Variants in COL11A1 observed in about 807,000 individuals in gnomAD.
COL11A1 encodes collagen alpha-1(XI) chain.
COL11A1 carries 74 observed loss-of-function variants against 265.2 expected under a neutral mutation model. The ratio of observed to expected loss-of-function variants is 0.28; its 90% CI spans 0.23 to 0.34. The LOEUF (loss-of-function observed/expected upper bound fraction) is 0.34, where lower values mean the gene tolerates loss of function less well. COL11A1 is among the 10% of genes least tolerant of loss of function. The probability of loss-of-function intolerance (pLI) is 1.00; values close to 1 mark genes in which losing one functional copy is unlikely to be tolerated. For missense variants in COL11A1, 2,165 were observed against 2,263.6 expected (o/e 0.96, Z 0.88); for synonymous variants, 816 against 727.6 (o/e 1.12, Z -1.96).
intron 1 of COL11A1, among the ~76,000 whole-genome samples, chr1:103,093,659 C>A (rs144213406): frequency 5.5e-4 from 83 of 152,196 alleles, no homozygotes; most frequent in African/African-American, 1.9e-3. Flanking sequence ...GGACAAGAAC[C>A]CTTTTTCTGG....
chr1:102,906,393 G>T (rs1187517561), intron 54 of COL11A1, among the ~76,000 whole-genome samples: 1 of 152,044 alleles, frequency 6.6e-6, no homozygotes, highest in Non-Finnish European at 1.5e-5. Flanking sequence ...AGTAATTTGG[G>T]CTTCAATTTT....
chr1:103,021,948 G>T (rs375567806), intron 8 of COL11A1, among the ~76,000 whole-genome samples, 179 bp from the exon 9 acceptor site: 7 of 150,230 alleles, frequency 4.7e-5, no homozygotes, highest in Non-Finnish European at 8.9e-5. Context: ...CCGGGTTCAC[G>T]CCATTCTCCT....
intron 9 of COL11A1, 67 bp downstream of exon 9, chr1:103,021,640 A>C: frequency 1.0e-6 from 1 of 1,003,306 alleles, no homozygotes; most frequent in African/African-American, 1.6e-5. Flanking sequence ...ATACATAATA[A>C]TTTAACATAA....
chr1:103,034,886 G>T (rs1668244553), intron 4 of COL11A1, among the ~76,000 whole-genome samples: 1 of 152,010 alleles, frequency 6.6e-6, no homozygotes, highest in Non-Finnish European at 1.5e-5. Context: ...GTAGTTGTTG[G>T]TGCTTGTTCA....
chr1:103,072,636 G>T lies in COL11A1; in HGVS notation c.651+1982C>A, dbSNP rs1172776367. Among the ~76,000 whole-genome samples the T allele has an allele frequency of 2.0e-5, 3 of 151,662 alleles. No individual in the cohort carries two copies. In the East Asian group the frequency reaches 5.8e-4, roughly 29 times the overall value. On this transcript the variant is annotated intron_variant, in intron 4 of 66. Coordinates refer to ENST00000370096, the MANE Select transcript of COL11A1 (RefSeq NM_001854.4). ...AAGAGATATTAACATCAGGTAGAAT[G>T]AACTAATTTTACAAAATGGTGGAAA...
chr1:103,045,524 A>G (rs970097310), intron 4 of COL11A1, among the ~76,000 whole-genome samples: 1 of 152,168 alleles, frequency 6.6e-6, no homozygotes, highest in East Asian at 1.9e-4. Flanking sequence ...GTCAAATCAT[A>G]AACAGAAATA....
At chr1:103,021,870 C>T (rs1405790511) in intron 8 of COL11A1, 101 bp from the exon 9 acceptor site, 32 of 908,198 alleles carry the variant, frequency 3.5e-5, no homozygotes, top group Middle Eastern at 2.3e-4. Context: ...TTTTTGAAGA[C>T]GGAGTCTCCC....
chr1:102,959,450 G>A (rs563876851), intron 41 of COL11A1, among the ~76,000 whole-genome samples: 88 of 152,128 alleles, frequency 5.8e-4, no homozygotes, highest in African/African-American at 1.9e-3. Context: ...AGCCAAGTTC[G>A]AGGGTCACCT....
At chr1:103,036,983 G>C (rs564197476) in intron 4 of COL11A1, among the ~76,000 whole-genome samples, 2 of 152,042 alleles carry the variant, frequency 1.3e-5, no homozygotes, top group South Asian at 2.1e-4. Flanking sequence ...CACAGATGAT[G>C]TTCTTGTGAA....
intron 37 of COL11A1, among the ~76,000 whole-genome samples, chr1:102,965,873 T>G (rs1288949277): frequency 3.3e-5 from 5 of 152,172 alleles, no homozygotes; most frequent in Admixed American, 3.3e-4. Flanking sequence ...TAAATGATGA[T>G]TTAGACATTC....
intron 46 of COL11A1, among the ~76,000 whole-genome samples, chr1:102,932,451 C>G (rs547307648): frequency 6.6e-6 from 1 of 152,196 alleles, no homozygotes; most frequent in African/African-American, 2.4e-5. Flanking sequence ...GGGCTTCTGC[C>G]GAGAGATCCG....
intron 14 of COL11A1, among the ~76,000 whole-genome samples, chr1:103,009,343 G>A (rs1665914771): frequency 6.6e-6 from 1 of 152,148 alleles, no homozygotes; most frequent in African/African-American, 2.4e-5. Context: ...GAAACGGACA[G>A]GCAGAGCTTG....
At chr1:103,042,318 A>G (rs903908694) in intron 4 of COL11A1, among the ~76,000 whole-genome samples, 1 of 152,162 alleles carries the variant, frequency 6.6e-6, no homozygotes, top group Non-Finnish European at 1.5e-5. Context: ...AATTATGAAG[A>G]TATAAGAAAT....
chr1:102,898,222 ATAC>A, intron 56 of COL11A1, 44 bp from the exon 57 acceptor site: 1 of 896,278 alleles, frequency 1.1e-6, no homozygotes, highest in Non-Finnish European at 1.5e-6. Context: ...TAATAAAATA[ATAC>A]ATATTTATTT....
chr1:103,033,612 GT>G (rs1330413310), intron 4 of COL11A1, among the ~76,000 whole-genome samples: 1 of 151,888 alleles, frequency 6.6e-6, no homozygotes, highest in Non-Finnish European at 1.5e-5. Context: ...ATGCAATTTT[GT>G]TTTTAATCTA....
At chr1:102,888,957 A>T in intron 59 of COL11A1, 38 bp from the exon 60 acceptor site, 1 of 1,565,418 alleles carries the variant, frequency 6.4e-7, no homozygotes, top group Non-Finnish European at 8.8e-7. Context: ...GGATTTTCTC[A>T]GCTATTTCAT....
intron 5 of COL11A1, among the ~76,000 whole-genome samples, chr1:103,028,424 A>G (rs969599243): frequency 1.3e-5 from 2 of 152,154 alleles, no homozygotes; most frequent in African/African-American, 4.8e-5. Context: ...TACTCAAGAC[A>G]TTGCTTAGTA....
chr1:103,001,495 A>T, intron 24 of COL11A1: 1 of 430,242 alleles, frequency 2.3e-6, no homozygotes, highest in Admixed American at 3.9e-5. Context: ...TAACAAGAAC[A>T]TCATTTGCTA....
chr1:103,104,069 G>A (rs1674503224), intron 1 of COL11A1, among the ~76,000 whole-genome samples: 1 of 152,028 alleles, frequency 6.6e-6, no homozygotes, highest in Admixed American at 6.6e-5. Context: ...TTATTGAGAA[G>A]GTAAGATTGA....
Sources: gnomAD v4.1 joint callset for allele counts (sites outside exome capture counted in the v4.1 genomes callset) on GRCh38, gnomAD v4.1.1 for gene constraint, MANE v1.5 for transcripts, NCBI Gene and HGNC (gene_info 2026-07-23, HGNC 2026-07-21) for gene names.